The following GRIK2 variants were observed in gnomAD, a reference collection of about 807,000 sequenced individuals.
GRIK2 encodes glutamate ionotropic receptor kainate type subunit 2.
Under a neutral mutation model 100.3 loss-of-function variants are expected in GRIK2, and 32 were observed. The ratio of observed to expected loss-of-function variants is 0.32; its 90% CI spans 0.24 to 0.43. The LOEUF (loss-of-function observed/expected upper bound fraction) is 0.43. Ranked by LOEUF, GRIK2 falls within the 20% of genes least tolerant of loss-of-function variation. The probability of loss-of-function intolerance (pLI) is 1.00; values close to 1 mark genes in which losing one functional copy is unlikely to be tolerated. For synonymous variants in GRIK2, 417 were observed against 389.4 expected (o/e 1.07, Z -0.83); for missense variants, 843 against 1,114.9 (o/e 0.76, Z 3.47).
rs181453567 is a variant in GRIK2, at chr6:101,580,387, G to A, written c.116-41562G>A. 3.9e-4 allele frequency among the ~76,000 whole-genome samples: 60 copies of A among 152,182 alleles called. No homozygotes were observed. The East Asian group carries it at 0.01, about 26-fold the overall frequency. ...ATTGTCTCTTTCCCCTATACCCCAT[G>A]TGTGATCTGTTAGTCAAATCTGTCA... is the stretch of plus-strand genomic sequence containing the variant. On this transcript the variant is annotated intron_variant, in intron 2 of 16. Transcript: ENST00000369134.
At position 102,055,354 on chromosome 6, in the gene GRIK2, C is replaced by G; in HGVS notation, c.2336C>G (p.Thr779Ser). The G allele has an allele frequency of 6.2e-7, 1 of 1,610,928 alleles. No homozygotes were observed. The highest frequency in any genetic ancestry group is 8.5e-7 in the Non-Finnish European group (1 of 1,177,266). ...GGTTCTCCATATCGAGACAAAATTA[C>G]CATAGCAATTCTTCAGCTGCAAGAG... ...PMGSPYRDKI[T>S]IAILQLQEEG... Residue 779 changes from threonine (T) to serine (S), a missense_variant, in exon 16 of 17, where the codon ACC becomes AGC. Thr to Ser is a moderately conservative substitution (Grantham distance 58). Around this residue, in one of 3 missense-constraint regions of GRIK2, gnomAD observed 237 missense variants for 388.0 expected, o/e 0.61. Transcript: ENST00000369134.
At chr6:101,740,557 G>T (rs1424998538) in intron 7 of GRIK2, among the ~76,000 whole-genome samples, 1 of 152,008 alleles carries the variant, frequency 6.6e-6, no homozygotes, top group East Asian at 1.9e-4. Flanking sequence ...TCTTTGTTAG[G>T]TTTGACCCCA....
chr6:102,000,299 G>C (rs201696612), intron 14 of GRIK2, among the ~76,000 whole-genome samples: 1 of 144,234 alleles, frequency 6.9e-6, no homozygotes, highest in African/African-American at 2.6e-5. Context: ...TTTTTGATAC[G>C]GAGGGTACAC....
intron 2 of GRIK2, among the ~76,000 whole-genome samples, chr6:101,431,949 A>G (rs1040571822): frequency 3.9e-5 from 6 of 152,292 alleles, no homozygotes; most frequent in South Asian, 4.2e-4. Flanking sequence ...CCAACAAAAC[A>G]TTATGCCTCA....
chr6:101,935,389 G>T (rs1184961880), intron 14 of GRIK2, among the ~76,000 whole-genome samples: 2 of 151,816 alleles, frequency 1.3e-5, no homozygotes, highest in African/African-American at 4.8e-5. Context: ...TATTTTGTAT[G>T]TCTAAGTGAA....
intron 4 of GRIK2, among the ~76,000 whole-genome samples, chr6:101,661,225 G>T (rs866855350): frequency 6.6e-6 from 1 of 152,264 alleles, no homozygotes; most frequent in East Asian, 1.9e-4. Flanking sequence ...TTGCTGAGCT[G>T]CAGTGGGCTC....
chr6:101,416,702 A>G (rs563840059), intron 2 of GRIK2, among the ~76,000 whole-genome samples: 23 of 152,052 alleles, frequency 1.5e-4, no homozygotes, highest in African/African-American at 5.3e-4. Context: ...ATAATAGTGG[A>G]TTTATTTGTT....
At chr6:101,486,644 C>G (rs1772850716) in intron 2 of GRIK2, among the ~76,000 whole-genome samples, 1 of 152,018 alleles carries the variant, frequency 6.6e-6, no homozygotes, top group Admixed American at 6.6e-5. Flanking sequence ...AAAGTGGCTT[C>G]AAAAATCAAT....
At chr6:101,825,011 T>A (rs944927283) in intron 10 of GRIK2, among the ~76,000 whole-genome samples, 1 of 152,174 alleles carries the variant, frequency 6.6e-6, no homozygotes, top group Non-Finnish European at 1.5e-5. Flanking sequence ...CTGCAATAAG[T>A]TTTCCCTCTG....
At chr6:101,801,300 A>G (rs1159879313) in intron 8 of GRIK2, among the ~76,000 whole-genome samples, 2 of 151,894 alleles carry the variant, frequency 1.3e-5, no homozygotes, top group South Asian at 4.1e-4. Flanking sequence ...GGCTAAAAAT[A>G]TTTTTTTCTT....
chr6:101,987,123 C>A (rs773468309), intron 14 of GRIK2, among the ~76,000 whole-genome samples: 52 of 151,830 alleles, frequency 3.4e-4, no homozygotes, highest in Non-Finnish European at 6.3e-4. Context: ...GGCACTTCAG[C>A]CTGGGTGACA....
chr6:101,968,136 TA>T (rs963453301), intron 14 of GRIK2, among the ~76,000 whole-genome samples: 7 of 150,854 alleles, frequency 4.6e-5, no homozygotes, highest in South Asian at 2.1e-4. Flanking sequence ...TTTCAAAAGT[TA>T]AAAAAAAACC....
Position 101,859,338 on chromosome 6 carries a change from G to A in GRIK2, c.1369G>A (p.Asp457Asn). 6.2e-7 allele frequency: 1 copy of A among 1,606,474 alleles called. No homozygotes were observed. Among genetic ancestry groups the A allele is most frequent in the Non-Finnish European group, 8.5e-7 (1 of 1,173,320 alleles). The change falls in exon 11 of 17, where the codon GAT (aspartate) becomes AAT (asparagine). Residue 457 changes from aspartate to asparagine, a missense_variant. Asp to Asn is a conservative substitution (Grantham distance 23). Transcript: ENST00000369134. ...GTCTGACAAACCTCTCTATGGTAAT[G>A]ATCGATTTGAAGGCTATTGCATTGA... is the stretch of plus-strand genomic sequence containing the variant. ...KKSDKPLYGN[D>N]RFEGYCIDLL... is the part of the protein sequence containing the mutation.
intron 2 of GRIK2, among the ~76,000 whole-genome samples, chr6:101,602,857 AC>A (rs1372883720): frequency 6.6e-6 from 1 of 151,750 alleles, no homozygotes; most frequent in Non-Finnish European, 1.5e-5. Context: ...TATGGAGTCA[AC>A]TTTTATTTGA....
At chr6:101,853,475 T>A (rs1290307440) in intron 10 of GRIK2, among the ~76,000 whole-genome samples, 1 of 152,206 alleles carries the variant, frequency 6.6e-6, no homozygotes, top group African/African-American at 2.4e-5. Flanking sequence ...AAGCCTCTCA[T>A]TTCTTATTGG....
At chr6:101,427,765 G>C (rs982591197) in intron 2 of GRIK2, among the ~76,000 whole-genome samples, 1 of 152,138 alleles carries the variant, frequency 6.6e-6, no homozygotes, top group Admixed American at 6.5e-5. Context: ...AGCCAGTGGG[G>C]TCATTCTGTG....
intron 7 of GRIK2, among the ~76,000 whole-genome samples, chr6:101,709,110 A>T (rs1272171774): frequency 6.6e-6 from 1 of 151,884 alleles, no homozygotes; most frequent in Non-Finnish European, 1.5e-5. Context: ...AGGCACACAC[A>T]CAAGGAGAGC....
At chr6:101,965,965 G>T (rs1014240968) in intron 14 of GRIK2, among the ~76,000 whole-genome samples, 2 of 151,976 alleles carry the variant, frequency 1.3e-5, no homozygotes, top group Non-Finnish European at 2.9e-5. Flanking sequence ...ATGTGGTTTG[G>T]ATTTCTTTGT....
At chr6:101,518,698 C>A (rs562367333) in intron 2 of GRIK2, among the ~76,000 whole-genome samples, 7 of 152,212 alleles carry the variant, frequency 4.6e-5, no homozygotes, top group Middle Eastern at 3.4e-3. Context: ...TAAAGATTTA[C>A]AGCATACTCT....
Sources: gnomAD v4.1 joint callset for allele counts (sites outside exome capture counted in the v4.1 genomes callset) on GRCh38, gnomAD v4.1.1 for gene constraint, gnomAD v4.1.1 regional missense constraint, MANE v1.5 for transcripts, NCBI Gene and HGNC (gene_info 2026-07-23, HGNC 2026-07-21) for gene names.